TRPM8: variants seen among roughly 807,000 people sequenced by gnomAD.
TRPM8 encodes the protein TRPM8 cationic channel.
In TRPM8, 110 loss-of-function variants were observed where a neutral mutation model predicts 133.7. That is an observed-to-expected ratio of 0.82 (90% CI 0.70 to 0.96). The LOEUF (loss-of-function observed/expected upper bound fraction) is 0.96, where lower values mean the gene tolerates loss of function less well. Among genes scored for constraint, TRPM8 ranks in the 40% least tolerant of loss-of-function variants. The pLI is 0.00. For synonymous variants in TRPM8, 535 were observed against 532.3 expected (o/e 1.01, Z -0.07); for missense variants, 1,291 against 1,379.5 (o/e 0.94, Z 1.02).
At position 233,945,924 on chromosome 2, in the gene TRPM8, C is replaced by T. The variant is rs1177274599; in HGVS notation, c.768C>T (p.Asn256=). The T allele has an allele frequency of 1.2e-6, 2 of 1,614,144 alleles. No homozygotes were observed. Among genetic ancestry groups the T allele is most frequent in the Non-Finnish European group, 8.5e-7 (1 of 1,179,994 alleles). ...ATCCACTGTATATCCTGGACAACAA[C>T]CACACACATTTGCTGCTCGTGGACA... ...TRDPLYILDN[N]HTHLLLVDNG... Residue 256 remains asparagine, a synonymous_variant, in exon 7 of 26, where the codon AAC becomes AAT. Transcript: ENST00000324695.
At chr2:233,992,916 GA>G (rs1692315986) in intron 21 of TRPM8, among the ~76,000 whole-genome samples, 1 of 152,152 alleles carries the variant, frequency 6.6e-6, no homozygotes, top group South Asian at 2.1e-4. Flanking sequence ...TACAGAATTT[GA>G]AAACAATGTC....
intron 16 of TRPM8, 24 bp downstream of exon 16, chr2:233,969,831 T>C (rs200677876): frequency 2.1e-5 from 29 of 1,359,422 alleles, no homozygotes. Flanking sequence ...CACATAATCG[T>C]GTGTGAGTGT....
chr2:233,979,644 C>T (rs1438178708), intron 17 of TRPM8, among the ~76,000 whole-genome samples: 1 of 152,246 alleles, frequency 6.6e-6, no homozygotes, highest in South Asian at 2.1e-4. Context: ...CTGAGGCACA[C>T]TGTTCCTGTC....
chr2:234,009,257 C>T (rs768415195), intron 24 of TRPM8, among the ~76,000 whole-genome samples: 8 of 152,196 alleles, frequency 5.3e-5, no homozygotes, highest in South Asian at 4.1e-4. Flanking sequence ...AACTCTTCTA[C>T]GTGGTGTGTT....
chr2:233,981,848 T>C lies in TRPM8; in HGVS notation c.2522T>C (p.Leu841Pro). ...IFCLDYIIFT[L>P]RLIHIFTVSR... ...TGTCTGGACTACATTATTTTCACTCTAAGATTGATCCACATTTTTACTGTA... is the reference window on the plus strand; with the variant it reads ...TGTCTGGACTACATTATTTTCACTCCAAGATTGATCCACATTTTTACTGTA... The change falls in exon 19 of 26, where the codon CTA becomes CCA. Residue 841 changes from leucine (L) to proline (P), a missense_variant. Physicochemically the swap from Leu to Pro is moderately conservative, Grantham distance 98. Transcript: ENST00000324695. The C allele has an allele frequency of 6.2e-7, 1 of 1,613,986 alleles. No individual in the cohort carries two copies. Among genetic ancestry groups the C allele is most frequent in the African/African-American group, 1.3e-5 (1 of 75,048 alleles).
chr2:233,928,868 T>C (rs11562954), intron 2 of TRPM8, among the ~76,000 whole-genome samples: 16,807 of 152,218 alleles, frequency 0.11, 1,034 homozygotes, highest in East Asian at 0.22. Context: ...TTGTTACCCA[T>C]TCCTTGCTTT....
intron 10 of TRPM8, among the ~76,000 whole-genome samples, chr2:233,954,470 T>C (rs1434490042): frequency 6.6e-6 from 1 of 152,194 alleles, no homozygotes. Flanking sequence ...GAACCTCAGG[T>C]TAAAAAATTC....
intron 10 of TRPM8, 88 bp downstream of exon 10, chr2:233,954,107 T>G: frequency 1.1e-6 from 1 of 887,854 alleles, no homozygotes; most frequent in South Asian, 2.0e-5. Flanking sequence ...TAAAACAGCT[T>G]TATTGAAAGG....
intron 7 of TRPM8, 77 bp downstream of exon 7, chr2:233,946,107 A>G: frequency 1.4e-6 from 2 of 1,388,882 alleles, no homozygotes; most frequent in Non-Finnish European, 2.0e-6. Flanking sequence ...ATCACTACCA[A>G]CTATTGAGTG....
At chr2:233,951,440 G>T (rs185359065) in intron 9 of TRPM8, among the ~76,000 whole-genome samples, 117 of 152,208 alleles carry the variant, frequency 7.7e-4, no homozygotes, top group Admixed American at 2.2e-3. Context: ...ACCAAAGATG[G>T]CCCCAGGTCC....
At chr2:233,987,009 C>A (rs1692162324) in intron 21 of TRPM8, among the ~76,000 whole-genome samples, 1 of 152,198 alleles carries the variant, frequency 6.6e-6, no homozygotes, top group Non-Finnish European at 1.5e-5. Context: ...GGGAACCTGA[C>A]TCACTTCCCA....
At chr2:233,995,173 C>T (rs971131172) in intron 21 of TRPM8, among the ~76,000 whole-genome samples, 4 of 152,186 alleles carry the variant, frequency 2.6e-5, no homozygotes, top group African/African-American at 9.7e-5. Context: ...ATTCACTTAC[C>T]TTTGTTGTGC....
At chr2:233,954,244 G>A (rs1428435841) in intron 10 of TRPM8, among the ~76,000 whole-genome samples, 1 of 152,124 alleles carries the variant, frequency 6.6e-6, no homozygotes, top group African/African-American at 2.4e-5. Flanking sequence ...TTAAAATACT[G>A]GTCAAACAAA....
rs764429149 is a variant in TRPM8 at position 233,930,718 on chromosome 2, C to G, written c.168C>G (p.Phe56Leu). ...QANFKKRECV[F>L]FTKDSKATEN... ...ATTTTAAGAAACGAGAATGTGTCTT[C>G]TTTACCAAAGATTCCAAGGCCACGT... The change falls in exon 3 of 26, where the codon TTC becomes TTG. Residue 56 changes from phenylalanine (F) to leucine (L), a missense_variant. Phe to Leu is a conservative substitution (Grantham distance 22). Coordinates refer to ENST00000324695, the MANE Select transcript of TRPM8 (RefSeq NM_024080.5). 8.1e-6 allele frequency: 13 copies of G among 1,609,252 alleles called. No individual in the cohort carries two copies. The Admixed American group carries it at 1.0e-4, about 12-fold the overall frequency.
At position 233,996,590 on chromosome 2, in the gene TRPM8, C is replaced by A; in HGVS notation, c.3130+74C>A. 3.0e-6 allele frequency: 4 copies of A among 1,335,560 alleles called. No individual in the cohort carries two copies. The South Asian group carries it at 5.0e-5, about 17-fold the overall frequency. The allele number at this position is 1,335,560 out of a possible 1,614,324, so 82.7% of individuals were successfully genotyped here. ...TCAGGGAAGGATGCCTGGTGTGTAT[C>A]TCAACAGGAAGGAATTATTCACAGA... On this transcript the variant is annotated intron_variant, in intron 22 of 25. Transcript: ENST00000324695.
chr2:234,003,666 G>T (rs1442050362), intron 22 of TRPM8, among the ~76,000 whole-genome samples: 1 of 152,230 alleles, frequency 6.6e-6, no homozygotes, highest in Non-Finnish European at 1.5e-5. Context: ...CTTTCTGAAT[G>T]ATTCAGGGGA....
At chr2:233,992,118 A>G (rs1403830215) in intron 21 of TRPM8, among the ~76,000 whole-genome samples, 5 of 152,122 alleles carry the variant, frequency 3.3e-5, no homozygotes, top group African/African-American at 1.2e-4. Flanking sequence ...TACTTTTTCT[A>G]TTATGTTTTT....
intron 17 of TRPM8, among the ~76,000 whole-genome samples, chr2:233,974,887 C>CAGAG (rs368489444): frequency 1.3e-5 from 2 of 149,426 alleles, no homozygotes; most frequent in African/African-American, 4.9e-5. Context: ...GAGAGAGAGA[C>CAGAG]AGAGAGAGAG....
intron 11 of TRPM8, among the ~76,000 whole-genome samples, chr2:233,959,317 C>A (rs868808250): frequency 3.6e-5 from 5 of 137,710 alleles, no homozygotes; most frequent in African/African-American, 5.6e-5. Context: ...TGAGCCACCT[C>A]GCCCAGCCTT....
Sources: allele counts gnomAD v4.1 joint callset (sites outside exome capture counted in the v4.1 genomes callset), GRCh38; gene constraint gnomAD v4.1.1; transcripts MANE v1.5; gene names NCBI Gene and HGNC (gene_info 2026-07-23, HGNC 2026-07-21).